METTL15: variants seen among roughly 807,000 people sequenced by gnomAD.
The protein encoded by METTL15 is methyltransferase 15, mitochondrial 12S rRNA N4-cytidine, also known as 12S rRNA N(4)-cytidine methyltransferase METTL15.
METTL15 carries 34 observed loss-of-function variants against 38.3 expected under a neutral mutation model. That is an observed-to-expected ratio of 0.89 (90% CI 0.68 to 1.18). METTL15 has a LOEUF of 1.18. Ranked by LOEUF, METTL15 falls within the 50% of genes most tolerant of loss-of-function variation. METTL15 has a pLI of 0.00. For missense variants in METTL15, 438 were observed against 498.4 expected (o/e 0.88, Z 1.15); for synonymous variants, 162 against 170.9 (o/e 0.95, Z 0.41).
At chr11:28,490,476 T>C (rs1851485458) in intron 6 of METTL15, among the ~76,000 whole-genome samples, 1 of 152,134 alleles carries the variant, frequency 6.6e-6, no homozygotes, top group Non-Finnish European at 1.5e-5. Flanking sequence ...GAAACACGTT[T>C]GGTGGCTTAA....
At chr11:28,399,803 G>T (rs1850613050) in intron 5 of METTL15, among the ~76,000 whole-genome samples, 1 of 151,788 alleles carries the variant, frequency 6.6e-6, no homozygotes, top group Non-Finnish European at 1.5e-5. Context: ...CAAATATTGG[G>T]ATGTATAAAT....
At chr11:28,328,733 G>A (rs1230063123) in intron 6 of METTL15, among the ~76,000 whole-genome samples, 2 of 152,056 alleles carry the variant, frequency 1.3e-5, no homozygotes, top group Non-Finnish European at 2.9e-5. Context: ...TTAGAAATTA[G>A]TAATTTTTGC....
At position 28,113,437 on chromosome 11, in the gene METTL15, A is replaced by G; in HGVS notation, c.103A>G (p.Thr35Ala). The change falls in exon 3 of 7, where the codon ACT becomes GCT. Residue 35 changes from threonine (T) to alanine (A), a missense_variant. Physicochemically the swap from Thr to Ala is moderately conservative, Grantham distance 58. Transcript: ENST00000407364. ...NLGVWPNRIH[T>A]TAEKYREYEA... ...AGGTGTCTGGCCAAACAGAATACAT[A>G]CTACAGCAGAAAAATATAGAGAATA... is the stretch of plus-strand genomic sequence containing the variant. 6.2e-7 allele frequency: 1 copy of G among 1,609,584 alleles called. No individual in the cohort carries two copies. The highest frequency in any genetic ancestry group is 8.5e-7 in the Non-Finnish European group (1 of 1,177,988).
intron 6 of METTL15, among the ~76,000 whole-genome samples, chr11:28,323,014 C>A (rs1009458044): frequency 6.6e-6 from 1 of 151,932 alleles, no homozygotes; most frequent in Middle Eastern, 3.2e-3. Flanking sequence ...ACAGATGATT[C>A]GTTTCTTATA....
In METTL15 at chr11:28,501,833, C is replaced by T. The variant is rs561409876; in HGVS notation, c.*425-24645C>T. ...AACCTGGCTCGGCCAGGCGCGGTGG[C>T]TCACACCTGTAATCCCAGCACTTTG... On this transcript the variant is annotated intron_variant and NMD_transcript_variant, in intron 6 of 7. Transcript: ENST00000532947. Among the ~76,000 whole-genome samples, 12 of 152,288 alleles carry T rather than the reference C, an allele frequency of 7.9e-5. No homozygotes were observed. In the South Asian group the frequency reaches 2.5e-3, roughly 32 times the overall value.
At chr11:28,315,508 G>C (rs941123376) in intron 6 of METTL15, among the ~76,000 whole-genome samples, 2 of 152,178 alleles carry the variant, frequency 1.3e-5, no homozygotes, top group Non-Finnish European at 2.9e-5. Context: ...ATAAAAGTTT[G>C]GATAATTTGC....
rs1852359107 is a variant in METTL15 at position 28,206,637 on chromosome 11, C to T, written c.271-4425C>T. 1.5e-5 allele frequency among the ~76,000 whole-genome samples: 2 copies of T among 136,284 alleles called. 1 individual carries two copies. The highest frequency in any genetic ancestry group is 5.2e-4 in the South Asian group (2 of 3,814). The allele number at this position is 136,284 out of a possible 152,430, so 89.4% of individuals were successfully genotyped here. A position where few individuals can be genotyped will look rare whatever the true frequency, so the allele number is the denominator to read the frequency against. ...AACTTTAAAGTAGTCTTTTCCAATTCTGTGAAGAAAGTCATTGGTAGCTTG... is the reference window on the plus strand; with the variant it reads ...AACTTTAAAGTAGTCTTTTCCAATTTTGTGAAGAAAGTCATTGGTAGCTTG... On this transcript the variant is annotated intron_variant, in intron 3 of 6. Coordinates refer to ENST00000407364, the MANE Select transcript of METTL15 (RefSeq NM_001113528.2).
intron 5 of METTL15, among the ~76,000 whole-genome samples, chr11:28,386,170 A>G (rs1351163743): frequency 3.3e-5 from 5 of 152,082 alleles, no homozygotes; most frequent in Admixed American, 2.6e-4. Context: ...AACAAAACAC[A>G]AAGAAAGGCA....
intron 5 of METTL15, among the ~76,000 whole-genome samples, chr11:28,293,517 T>C (rs1342238289): frequency 3.3e-5 from 5 of 151,530 alleles, no homozygotes; most frequent in Admixed American, 6.6e-5. Flanking sequence ...TCTTGTGGCT[T>C]AGGATTGACT....
At chr11:28,191,502 A>G (rs911875556) in intron 3 of METTL15, among the ~76,000 whole-genome samples, 56 of 151,532 alleles carry the variant, frequency 3.7e-4, no homozygotes, top group South Asian at 2.1e-4. Context: ...GTTTTTTTTC[A>G]GTACAACATG....
At chr11:28,418,610 G>A (rs1332693593) in intron 5 of METTL15, among the ~76,000 whole-genome samples, 1 of 152,074 alleles carries the variant, frequency 6.6e-6, no homozygotes, top group Non-Finnish European at 1.5e-5. Context: ...CTTCATAAAC[G>A]CTAAAAATCA....
At chr11:28,487,810 A>G (rs577400558) in intron 6 of METTL15, among the ~76,000 whole-genome samples, 2 of 152,136 alleles carry the variant, frequency 1.3e-5, no homozygotes, top group African/African-American at 2.4e-5. Flanking sequence ...GTGGCACTAC[A>G]ATGTTGAATT....
chr11:28,288,182 G>A (rs1856363565), intron 4 of METTL15, among the ~76,000 whole-genome samples: 2 of 152,126 alleles, frequency 1.3e-5, no homozygotes, highest in South Asian at 4.1e-4. Flanking sequence ...TGGCGAGGTT[G>A]CAGAGAAAAA....
chr11:28,262,903 TCC>T (rs949621565), intron 4 of METTL15, among the ~76,000 whole-genome samples: 6 of 152,064 alleles, frequency 3.9e-5, no homozygotes, highest in African/African-American at 1.4e-4. Flanking sequence ...CAAAACTACA[TCC>T]ACAAAGAGGA....
At chr11:28,272,406 A>T (rs1202893742) in intron 4 of METTL15, among the ~76,000 whole-genome samples, 1 of 152,200 alleles carries the variant, frequency 6.6e-6, no homozygotes. Context: ...GGACGAGTTC[A>T]TGTCCTTTGC....
chr11:28,434,434 G>A (rs1001664266), intron 6 of METTL15, among the ~76,000 whole-genome samples: 2 of 152,196 alleles, frequency 1.3e-5, no homozygotes, highest in East Asian at 1.9e-4. Flanking sequence ...ATTTTCAATG[G>A]TTCAGACACT....
chr11:28,125,614 C>G (rs1213109007), intron 3 of METTL15: 2 of 152,042 alleles, frequency 1.3e-5, no homozygotes, highest in Non-Finnish European at 2.9e-5. Context: ...AGGTCTCTCA[C>G]ACCTTTCACT....
At chr11:28,385,847 A>G (rs187660268) in intron 5 of METTL15, among the ~76,000 whole-genome samples, 9 of 152,130 alleles carry the variant, frequency 5.9e-5, no homozygotes, top group South Asian at 4.1e-4. Context: ...CAGTACTTCT[A>G]TGCTGCCATT....
intron 6 of METTL15, among the ~76,000 whole-genome samples, chr11:28,480,526 G>A (rs192321919): frequency 8.4e-4 from 128 of 152,208 alleles, no homozygotes; most frequent in Admixed American, 2.5e-3. Context: ...CCAATACCTG[G>A]AAATGTAATG....
Sources: allele counts gnomAD v4.1 joint callset (sites outside exome capture counted in the v4.1 genomes callset), GRCh38; gene constraint gnomAD v4.1.1; transcripts MANE v1.5; gene names NCBI Gene and HGNC (gene_info 2026-07-23, HGNC 2026-07-21).